The following ZNF831 variants were observed in gnomAD, a reference collection of about 807,000 sequenced individuals.
ZNF831 encodes the protein zinc finger protein 831, also known as chromosome 20 open reading frame 174.
ZNF831 carries 59 observed loss-of-function variants against 95.8 expected under a neutral mutation model. That is an observed-to-expected ratio of 0.62 (90% CI 0.50 to 0.77). The LOEUF is 0.77. Among genes scored for constraint, ZNF831 ranks in the 30% least tolerant of loss-of-function variants. The pLI is 0.00. For synonymous variants in ZNF831, 961 were observed against 925.5 expected, an observed-to-expected ratio of 1.04 and a Z score of -0.70; for missense variants, 2,205 against 2,164.0, an observed-to-expected ratio of 1.02 and a Z score of -0.38.
intron 4 of ZNF831, among the ~76,000 whole-genome samples, chr20:59,222,492 CTTT>C (rs916962743): frequency 1.4e-5 from 2 of 145,776 alleles, no homozygotes; most frequent in African/African-American, 2.5e-5. Flanking sequence ...TTCTCTCTCT[CTTT>C]TTTTTTTTTT....
Position 59,208,398 on chromosome 20 carries a change from C to A in ZNF831, c.4027+1342C>A, listed in dbSNP as rs904677729. Reference sequence around the variant, plus strand: ...GCAAAGGCCAGGGGACCATGCAACTCTCTGCTTTCTCGTTGGGCCGTCCTG... The same window carrying A: ...GCAAAGGCCAGGGGACCATGCAACTATCTGCTTTCTCGTTGGGCCGTCCTG... On this transcript the variant is annotated intron_variant, in intron 4 of 5. Transcript: ENST00000371030. This position sits in a 1 kb window ranked among gnomAD's most constrained non-coding sequence, Gnocchi z 4.2. 6.6e-6 allele frequency among the ~76,000 whole-genome samples: 1 copy of A among 152,194 alleles called. No homozygotes were observed. Among genetic ancestry groups the A allele is most frequent in the African/African-American group, 2.4e-5 (1 of 41,452 alleles).
chr20:59,200,105 T>C (rs1323668120), intron 3 of ZNF831, among the ~76,000 whole-genome samples: 1 of 152,202 alleles, frequency 6.6e-6, no homozygotes, highest in Non-Finnish European at 1.5e-5. Context: ...GAAAGTCTTT[T>C]ATCTCTGGCT....
intron 4 of ZNF831, among the ~76,000 whole-genome samples, chr20:59,226,969 C>T (rs531945205): frequency 3.3e-5 from 5 of 152,240 alleles, no homozygotes; most frequent in East Asian, 3.9e-4. Flanking sequence ...TCATTTCTCC[C>T]GTAGGTGCCT....
chr20:59,152,572 A>G lies in ZNF831; in HGVS notation c.-1281+6198A>G, dbSNP rs80120408. Reference sequence around the variant, plus strand: ...GTACAAAGTCCCTGCTCTTTTGGGGATTGCAACGTTAAGCAAGTAATGATA... The same window carrying G: ...GTACAAAGTCCCTGCTCTTTTGGGGGTTGCAACGTTAAGCAAGTAATGATA... On this transcript the variant is annotated intron_variant, in intron 2 of 7. Coordinates refer to the ZNF831 transcript ENST00000637017. Among the ~76,000 whole-genome samples the G allele has an allele frequency of 9.2e-3, 1,402 of 152,210 alleles. 14 individuals are homozygous for G. The highest frequency in any genetic ancestry group is 0.032 in the African/African-American group (1,320 of 41,514).
rs550358496 is a variant in ZNF831 at position 59,210,860 on chromosome 20, C to T, written c.4027+3804C>T. 8.9e-4 allele frequency among the ~76,000 whole-genome samples: 71 copies of T among 79,364 alleles called. 19 individuals carry two copies. Among genetic ancestry groups the T allele is most frequent in the African/African-American group, 4.5e-3 (64 of 14,088 alleles). The allele number at this position is 79,364 out of a possible 152,430, so 52.1% of individuals were successfully genotyped here. On this transcript the variant is annotated intron_variant, in intron 4 of 5. Coordinates refer to ENST00000371030, the MANE Select transcript of ZNF831 (RefSeq NM_178457.3). ...AATGGTGAATAAAACCAAATCCCCCCGTCTCTACTAAAAATACAAAAAATT... is the reference window on the plus strand; with the variant it reads ...AATGGTGAATAAAACCAAATCCCCCTGTCTCTACTAAAAATACAAAAAATT...
intron 1 of ZNF831, among the ~76,000 whole-genome samples, chr20:59,167,270 A>G (rs931072777): frequency 1.3e-5 from 2 of 151,860 alleles, no homozygotes; most frequent in Non-Finnish European, 2.9e-5. Flanking sequence ...ACACTTTCTA[A>G]TTGGATTGTT....
chr20:59,207,908 G>A (rs1353995708), intron 4 of ZNF831, among the ~76,000 whole-genome samples: 4 of 152,198 alleles, frequency 2.6e-5, no homozygotes, highest in African/African-American at 9.6e-5. Flanking sequence ...CTTTGCTGGG[G>A]CAACTCTGCC....
intron 4 of ZNF831, among the ~76,000 whole-genome samples, chr20:59,232,146 T>G (rs534171540): frequency 3.9e-5 from 6 of 152,320 alleles, no homozygotes; most frequent in African/African-American, 1.4e-4. Context: ...GCTCTCACTT[T>G]CCGTTACAGC....
chr20:59,233,754 G>T (rs1306804297), intron 4 of ZNF831, among the ~76,000 whole-genome samples: 1 of 152,150 alleles, frequency 6.6e-6, no homozygotes, highest in African/African-American at 2.4e-5. Flanking sequence ...CCAAACACAT[G>T]ACAGGAATCA....
In ZNF831 at chr20:59,194,055, G is replaced by A; in HGVS notation, c.3036G>A (p.Arg1012=). The A allele has an allele frequency of 6.5e-7, 1 of 1,529,052 alleles. No homozygotes were observed. The highest frequency in any genetic ancestry group is 8.8e-7 in the Non-Finnish European group (1 of 1,140,074). The allele number at this position is 1,529,052 out of a possible 1,614,324, so 94.7% of individuals were successfully genotyped here. Residue 1012 remains arginine, a synonymous_variant, in exon 2 of 6, where the codon AGG becomes AGA. Coordinates refer to ENST00000371030, the MANE Select transcript of ZNF831 (RefSeq NM_178457.3). The stretch of plus-strand genomic sequence containing the variant: ...TCCTGGAGGACCCCAGCTGTTCCAG[G>A]CCACAGGATGGGAGAAAAGGGGCAC... The part of the protein sequence containing the change: ...DSILEDPSCS[R]PQDGRKGAQL...
chr20:59,214,203 C>G (rs1381330115), intron 4 of ZNF831, among the ~76,000 whole-genome samples: 1 of 152,218 alleles, frequency 6.6e-6, no homozygotes, highest in Admixed American at 6.5e-5. Context: ...AAAATTCCCA[C>G]GTGTCCCTGC....
chr20:59,235,328 G>T (rs1254975883), intron 4 of ZNF831, among the ~76,000 whole-genome samples: 1 of 152,118 alleles, frequency 6.6e-6, no homozygotes, highest in Non-Finnish European at 1.5e-5. Context: ...ACCCACAGGG[G>T]TTCTGCTTTT....
At chr20:59,247,953 T>C (rs550974160) in intron 4 of ZNF831, among the ~76,000 whole-genome samples, 2 of 152,080 alleles carry the variant, frequency 1.3e-5, no homozygotes, top group Non-Finnish European at 2.9e-5. Context: ...CATCATGTTG[T>C]TTATTTATTT....
intron 2 of ZNF831, among the ~76,000 whole-genome samples, chr20:59,148,776 G>A (rs1055429523): frequency 7.0e-6 from 1 of 143,772 alleles, no homozygotes; most frequent in Non-Finnish European, 1.5e-5. Context: ...CATGTCTTGA[G>A]GCTCAATTCC....
intron 4 of ZNF831, among the ~76,000 whole-genome samples, chr20:59,231,248 G>A (rs2146698036): frequency 6.6e-6 from 1 of 152,360 alleles, no homozygotes; most frequent in Admixed American, 6.5e-5. Context: ...ACTGTAGCTG[G>A]AAAATAGGTT....
At chr20:59,166,396 C>G (rs919100897) in intron 1 of ZNF831, among the ~76,000 whole-genome samples, 6 of 152,192 alleles carry the variant, frequency 3.9e-5, no homozygotes, top group Non-Finnish European at 7.3e-5. Flanking sequence ...GCAGATTCAC[C>G]TGCAGTTGTA....
chr20:59,231,055 G>A (rs949139899), intron 4 of ZNF831, among the ~76,000 whole-genome samples: 18 of 152,130 alleles, frequency 1.2e-4, no homozygotes, highest in African/African-American at 4.1e-4. Context: ...CCATTAGATC[G>A]GCATTCCAGC....
At chr20:59,212,786 A>C (rs950532066) in intron 4 of ZNF831, among the ~76,000 whole-genome samples, 67 of 152,172 alleles carry the variant, frequency 4.4e-4, no homozygotes, top group African/African-American at 1.6e-3. Context: ...TCCCTAATAG[A>C]CTGACTGCTG....
rs746930046 is a variant in ZNF831 at position 59,191,725 on chromosome 20, G to A, written c.706G>A (p.Gly236Arg). 1 of 1,584,072 alleles carries A rather than the reference G, an allele frequency of 6.3e-7. No individual in the cohort carries two copies. The change falls in exon 2 of 6, where the codon GGG becomes AGG. Residue 236 changes from glycine to arginine, a missense_variant. By Grantham distance (125) the Gly-to-Arg change is moderately radical. Coordinates refer to ENST00000371030, the MANE Select transcript of ZNF831 (RefSeq NM_178457.3). ...GGGCAGGGGCGAGAGCAGGTGCCAG[G>A]GGATGCACGAAGGCGCCTCGGAGAG... is the stretch of plus-strand genomic sequence containing the variant. ...PEGRGESRCQ[G>R]MHEGASERPL...
Sources: allele counts gnomAD v4.1 joint callset (sites outside exome capture counted in the v4.1 genomes callset), GRCh38; gene constraint gnomAD v4.1.1; non-coding constraint Gnocchi (gnomAD v3.1); transcripts MANE v1.5; gene names NCBI Gene and HGNC (gene_info 2026-07-23, HGNC 2026-07-21).